F13A1: variants seen among roughly 807,000 people sequenced by gnomAD.
F13A1 encodes FSF, A subunit.
Under a neutral mutation model 80.1 loss-of-function variants are expected in F13A1, and 47 were observed. The observed-to-expected ratio is 0.59, with a 90% confidence interval of 0.46 to 0.75. The LOEUF (loss-of-function observed/expected upper bound fraction) is 0.75, where lower values mean the gene tolerates loss of function less well. Among genes scored for constraint, F13A1 ranks in the 30% least tolerant of loss-of-function variants. The pLI is 0.00. For missense variants in F13A1, 817 were observed against 930.4 expected (o/e 0.88, Z 1.59); for synonymous variants, 349 against 344.9 (o/e 1.01, Z -0.13).
rs202087752 is a variant in F13A1, at chr6:6,266,716, C to T, written c.413G>A (p.Arg138Lys). ...SGKWGAKIVM[R>K]EDRSVRLSIQ... ...GGACAGCCGCACAGACCTGTCCTCT[C>T]TCATGACAATCTTGGCCCCCCACTT... The change falls in exon 4 of 15, where the codon AGA (arginine) becomes AAA (lysine). Residue 138 changes from arginine to lysine, a missense_variant. By Grantham distance (26) the Arg-to-Lys change is conservative. Transcript: ENST00000264870. 6.8e-6 allele frequency: 11 copies of T among 1,614,212 alleles called. No homozygotes were observed. The East Asian group carries it at 1.6e-4, about 23-fold the overall frequency.
chr6:6,268,862 G>C (rs1024957842), intron 3 of F13A1, among the ~76,000 whole-genome samples: 1 of 151,254 alleles, frequency 6.6e-6, no homozygotes, highest in Non-Finnish European at 1.5e-5. Flanking sequence ...CTAACTTTTT[G>C]TATTTTTAGT....
intron 4 of F13A1, among the ~76,000 whole-genome samples, 199 bp downstream of exon 4, chr6:6,266,359 G>A (rs1331588017): frequency 6.6e-6 from 1 of 152,118 alleles, no homozygotes; most frequent in African/African-American, 2.4e-5. Flanking sequence ...AGCCTCCCAA[G>A]TAGCTGGGAG....
chr6:6,155,646 G>A (rs913921937), intron 13 of F13A1, among the ~76,000 whole-genome samples: 2 of 151,888 alleles, frequency 1.3e-5, no homozygotes, highest in African/African-American at 4.8e-5. Context: ...CCCAATGCTC[G>A]ACATCACTGT....
intron 10 of F13A1, among the ~76,000 whole-genome samples, chr6:6,182,407 T>C (rs931536949): frequency 4.6e-5 from 7 of 152,216 alleles, no homozygotes; most frequent in Non-Finnish European, 8.8e-5. Context: ...CCCTCCTCTG[T>C]CCTTGTGATA....
intron 6 of F13A1, among the ~76,000 whole-genome samples, chr6:6,239,266 A>G (rs1757454450): frequency 6.6e-6 from 1 of 152,156 alleles, no homozygotes; most frequent in Non-Finnish European, 1.5e-5. Flanking sequence ...AAAGTTGAAG[A>G]ATAGACAAAT....
In F13A1 at chr6:6,145,489, C is replaced by A. The variant is rs2151066506; in HGVS notation, c.*130G>T. 8.6e-7 allele frequency: 1 copy of A among 1,158,640 alleles called. No individual in the cohort carries two copies. Among genetic ancestry groups the A allele is most frequent in the South Asian group, 1.3e-5 (1 of 79,200 alleles). The allele number at this position is 1,158,640 out of a possible 1,614,324, so 71.8% of individuals were successfully genotyped here. On this transcript the variant is annotated 3_prime_UTR_variant, in exon 15 of 15. Coordinates refer to ENST00000264870, the MANE Select transcript of F13A1 (RefSeq NM_000129.4). ...TTTTGAAATATGTGGGATCTCCACT[C>A]TGGAGCCCTCTGCAGTCCTGTCTGG...
intron 13 of F13A1, among the ~76,000 whole-genome samples, chr6:6,158,322 G>C (rs943172223): frequency 2.6e-5 from 4 of 152,200 alleles, no homozygotes; most frequent in African/African-American, 9.7e-5. Flanking sequence ...CTGCCACTTT[G>C]AGTTTTTAGA....
chr6:6,314,259 C>T (rs1219791767), intron 2 of F13A1, among the ~76,000 whole-genome samples: 1 of 152,124 alleles, frequency 6.6e-6, no homozygotes, highest in Non-Finnish European at 1.5e-5. Flanking sequence ...GGGTTACAAG[C>T]ATGAGCCACC....
At chr6:6,201,529 C>G (rs889302481) in intron 8 of F13A1, among the ~76,000 whole-genome samples, 1 of 152,202 alleles carries the variant, frequency 6.6e-6, no homozygotes, top group African/African-American at 2.4e-5. Flanking sequence ...ATCTCTTTCA[C>G]CATGCAATCC....
At chr6:6,244,171 G>GA (rs1222675845) in intron 6 of F13A1, among the ~76,000 whole-genome samples, 5 of 152,188 alleles carry the variant, frequency 3.3e-5, no homozygotes, top group African/African-American at 1.2e-4. Context: ...CTTTATTAAT[G>GA]CCATGTGAGG....
chr6:6,154,522 C>G (rs184367196), intron 13 of F13A1, among the ~76,000 whole-genome samples: 2 of 152,348 alleles, frequency 1.3e-5, no homozygotes, highest in Non-Finnish European at 2.9e-5. Flanking sequence ...AGCAGCCCCG[C>G]ACCCCAGCCA....
chr6:6,292,916 T>A (rs150485360), intron 3 of F13A1, among the ~76,000 whole-genome samples: 87 of 152,308 alleles, frequency 5.7e-4, no homozygotes, highest in African/African-American at 1.9e-3. Context: ...AGGGAATACT[T>A]TCACAGCTTG....
chr6:6,167,278 T>G (rs1237509303), intron 13 of F13A1, among the ~76,000 whole-genome samples, 180 bp downstream of exon 13: 1 of 151,986 alleles, frequency 6.6e-6, no homozygotes, highest in African/African-American at 2.4e-5. Context: ...TGTCTATATA[T>G]AGGGCAGTTT....
chr6:6,244,640 G>GA (rs910503842), intron 6 of F13A1, among the ~76,000 whole-genome samples: 1 of 152,118 alleles, frequency 6.6e-6, no homozygotes, highest in Non-Finnish European at 1.5e-5. Context: ...ATGTATAAAG[G>GA]AAAAAATAGA....
chr6:6,217,176 T>G (rs1052941736), intron 8 of F13A1, among the ~76,000 whole-genome samples: 40 of 151,198 alleles, frequency 2.6e-4, no homozygotes, highest in Non-Finnish European at 8.8e-5. Flanking sequence ...TCCCATTACT[T>G]GGTATATACC....
At position 6,312,483 on chromosome 6, in the gene F13A1, A is replaced by T. The variant is rs1297722783; in HGVS notation, c.130+6052T>A. On this transcript the variant is annotated intron_variant, in intron 2 of 14. Transcript: ENST00000264870. ...TCAAGAGATGGAGACCATCTTGGCC[A>T]ATATGGTGAAACCCAGTCTCTACTA... is the stretch of plus-strand genomic sequence containing the variant. 2.9e-5 allele frequency among the ~76,000 whole-genome samples: 2 copies of T among 67,974 alleles called. 1 individual carries two copies. Among genetic ancestry groups the T allele is most frequent in the Non-Finnish European group, 5.5e-5 (2 of 36,410 alleles). 44.6% of individuals were successfully genotyped at this position (67,974 alleles called of 152,430 possible).
intron 13 of F13A1, among the ~76,000 whole-genome samples, chr6:6,158,401 A>G (rs993555798): frequency 1.6e-4 from 25 of 152,214 alleles, no homozygotes; most frequent in African/African-American, 5.3e-4. Context: ...GTAATATCAT[A>G]CAACAGAGCA....
intron 2 of F13A1, among the ~76,000 whole-genome samples, chr6:6,315,899 T>G (rs926013767): frequency 6.6e-6 from 1 of 151,270 alleles, no homozygotes; most frequent in South Asian, 2.1e-4. Flanking sequence ...TAAAAATGAG[T>G]GTTCTTTCCA....
chr6:6,224,996 G>T, intron 6 of F13A1, 136 bp from the exon 7 acceptor site: 1 of 913,424 alleles, frequency 1.1e-6, no homozygotes, highest in South Asian at 1.4e-5. Flanking sequence ...ACTTCTGTTC[G>T]GTTTACCATT....
Sources: gnomAD v4.1 joint callset for allele counts (sites outside exome capture counted in the v4.1 genomes callset) on GRCh38, gnomAD v4.1.1 for gene constraint, MANE v1.5 for transcripts, NCBI Gene and HGNC (gene_info 2026-07-23, HGNC 2026-07-21) for gene names.